The following FBXL17 variants were observed in gnomAD, a reference collection of about 807,000 sequenced individuals.
FBXL17 encodes the protein F-box and leucine rich repeat protein 17.
Under a neutral mutation model 66.2 loss-of-function variants are expected in FBXL17, and 22 were observed. The observed-to-expected ratio is 0.33, with a 90% CI of 0.24 to 0.47. FBXL17 has a LOEUF of 0.47. Among genes scored for constraint, FBXL17 ranks in the 20% least tolerant of loss-of-function variants. FBXL17 has a pLI of 1.00. For synonymous variants in FBXL17, 474 were observed against 400.5 expected (o/e 1.18, Z -2.19); for missense variants, 878 against 948.2 (o/e 0.93, Z 0.97).
intron 6 of FBXL17, among the ~76,000 whole-genome samples, chr5:108,093,002 T>C (rs1749241734): frequency 6.6e-6 from 1 of 152,016 alleles, no homozygotes; most frequent in Non-Finnish European, 1.5e-5. Flanking sequence ...ATAAAACACT[T>C]CTAAACCATT....
chr5:107,902,786 C>T (rs765178459), intron 7 of FBXL17, among the ~76,000 whole-genome samples: 2 of 151,874 alleles, frequency 1.3e-5, no homozygotes, highest in Non-Finnish European at 2.9e-5. Context: ...TTTATGCATG[C>T]ACTTTGTGGT....
At chr5:108,298,305 C>A (rs150232946) in intron 4 of FBXL17, 2 of 984,648 alleles carry the variant, frequency 2.0e-6, no homozygotes, top group Admixed American at 1.2e-4. Context: ...TTCCAAACAT[C>A]TAAATAAAAC....
intron 7 of FBXL17, among the ~76,000 whole-genome samples, chr5:107,975,857 GTTT>G (rs1554053909): frequency 5.0e-5 from 4 of 79,914 alleles, no homozygotes; most frequent in Non-Finnish European, 8.4e-5. Context: ...TGTTGTTGTT[GTTT>G]TTTTTTTTTT....
intron 5 of FBXL17, among the ~76,000 whole-genome samples, chr5:108,208,330 T>A (rs571193410): frequency 6.6e-6 from 1 of 152,360 alleles, no homozygotes; most frequent in Admixed American, 6.5e-5. Context: ...ATCCCATTTG[T>A]CTATTTTGGC....
chr5:108,187,215 G>T (rs1753273751), intron 5 of FBXL17, among the ~76,000 whole-genome samples: 1 of 152,230 alleles, frequency 6.6e-6, no homozygotes, highest in Non-Finnish European at 1.5e-5. Context: ...TTACATAAAG[G>T]TGGTAGGATC....
In FBXL17 at chr5:108,192,814, A is replaced by G. The variant is rs576137402; in HGVS notation, c.1615-6567T>C. On this transcript the variant is annotated intron_variant, in intron 5 of 8. Coordinates refer to ENST00000542267, the MANE Select transcript of FBXL17 (RefSeq NM_001163315.3). ...CAAGAAAAGAAAGAAAGAAAAGAAA[A>G]GATCAGACCAGACCTCAAATGGCTT... 2.5e-3 allele frequency among the ~76,000 whole-genome samples: 380 copies of G among 152,178 alleles called. 1 individual carries two copies. The highest frequency in any genetic ancestry group is 8.6e-3 in the African/African-American group (355 of 41,508).
At chr5:107,921,905 C>T (rs1014562975) in intron 7 of FBXL17, among the ~76,000 whole-genome samples, 3 of 152,194 alleles carry the variant, frequency 2.0e-5, no homozygotes, top group Admixed American at 1.3e-4. Context: ...ATGGGTGGGG[C>T]AGTATTGCTG....
intron 7 of FBXL17, among the ~76,000 whole-genome samples, chr5:107,968,825 T>C (rs1280419343): frequency 6.6e-6 from 1 of 152,150 alleles, no homozygotes; most frequent in Non-Finnish European, 1.5e-5. Flanking sequence ...TCTGATAAGC[T>C]AGTTTTTTTC....
intron 7 of FBXL17, among the ~76,000 whole-genome samples, chr5:107,910,065 A>C (rs1042237145): frequency 6.6e-6 from 1 of 151,714 alleles, no homozygotes; most frequent in African/African-American, 2.4e-5. Context: ...AAGCCACTCA[A>C]ATAAATGCAA....
intron 4 of FBXL17, among the ~76,000 whole-genome samples, chr5:108,333,167 T>TATATATATATATATAC (rs1760212435): frequency 6.7e-6 from 1 of 148,510 alleles, no homozygotes; most frequent in Admixed American, 6.7e-5. Flanking sequence ...TATATATATA[T>TATATATATATATATAC]ACATATTCAA....
intron 3 of FBXL17, among the ~76,000 whole-genome samples, chr5:108,357,594 C>T (rs368731262): frequency 2.0e-5 from 3 of 151,994 alleles, no homozygotes; most frequent in African/African-American, 7.2e-5. Context: ...ATAAAACACA[C>T]ATTCACAAAT....
At chr5:108,163,405 TTTTTTTTTTTTTTGA>T (rs1752291785) in intron 6 of FBXL17, among the ~76,000 whole-genome samples, 2 of 71,438 alleles carry the variant, frequency 2.8e-5, no homozygotes, top group Admixed American at 1.9e-4. Context: ...TTTTCTTTTT[TTTTTTTTTTTTTTGA>T]GACAGAGTCT....
chr5:108,130,839 T>G (rs1385325689), intron 6 of FBXL17, among the ~76,000 whole-genome samples: 1 of 152,088 alleles, frequency 6.6e-6, no homozygotes, highest in Non-Finnish European at 1.5e-5. Context: ...ACTATATTAT[T>G]GTGTCCTAAT....
intron 6 of FBXL17, among the ~76,000 whole-genome samples, chr5:108,072,265 A>G (rs563186426): frequency 6.6e-6 from 1 of 152,290 alleles, no homozygotes; most frequent in Non-Finnish European, 1.5e-5. Flanking sequence ...AGTGTAAAGA[A>G]GTAAGAAAGA....
chr5:108,364,631 A>T, intron 3 of FBXL17, 107 bp downstream of exon 3: 2 of 844,494 alleles, frequency 2.4e-6, no homozygotes, highest in Non-Finnish European at 1.9e-6. Context: ...AAGATGATTC[A>T]CTTGAGTCTC....
At chr5:108,205,512 C>T (rs1040154457) in intron 5 of FBXL17, among the ~76,000 whole-genome samples, 3 of 152,100 alleles carry the variant, frequency 2.0e-5, no homozygotes, top group Non-Finnish European at 4.4e-5. Flanking sequence ...GCAAAATCTC[C>T]ACATCACATT....
intron 6 of FBXL17, among the ~76,000 whole-genome samples, chr5:108,111,039 A>T (rs534750370): frequency 3.9e-5 from 6 of 152,226 alleles, no homozygotes; most frequent in African/African-American, 1.2e-4. Flanking sequence ...TGCTGGCCTG[A>T]CCCCTTTCCT....
intron 6 of FBXL17, among the ~76,000 whole-genome samples, chr5:108,080,325 A>G (rs965950630): frequency 4.6e-5 from 7 of 152,218 alleles, no homozygotes; most frequent in African/African-American, 1.7e-4. Flanking sequence ...TTCCTCTGAA[A>G]TTAATGTTTT....
chr5:108,259,990 A>T (rs1270953687), intron 4 of FBXL17, among the ~76,000 whole-genome samples: 1 of 151,620 alleles, frequency 6.6e-6, no homozygotes. Flanking sequence ...TGGAGAAACT[A>T]GCTTAGTGAG....
Sources: gnomAD v4.1 joint callset for allele counts (sites outside exome capture counted in the v4.1 genomes callset) on GRCh38, gnomAD v4.1.1 for gene constraint, MANE v1.5 for transcripts, NCBI Gene and HGNC (gene_info 2026-07-23, HGNC 2026-07-21) for gene names.